Variants in KANK1 observed in about 807,000 individuals in gnomAD.
The protein encoded by KANK1 is KN motif and ankyrin repeat domain-containing protein 1.
Under a neutral mutation model 106.2 loss-of-function variants are expected in KANK1, and 109 were observed. The ratio of observed to expected loss-of-function variants is 1.03; its 90% CI spans 0.88 to 1.20. The LOEUF (loss-of-function observed/expected upper bound fraction) is 1.20. Ranked by LOEUF, KANK1 falls within the 50% of genes most tolerant of loss-of-function variation. The probability of loss-of-function intolerance (pLI) is 0.00; values close to 1 mark genes in which losing one functional copy is unlikely to be tolerated. For synonymous variants in KANK1, 873 were observed against 652.2 expected, an observed-to-expected ratio of 1.34 and a Z score of -5.16; for missense variants, 2,399 against 1,710.7, an observed-to-expected ratio of 1.40 and a Z score of -7.10.
intron 2 of KANK1, among the ~76,000 whole-genome samples, chr9:691,254 A>G (rs1406851010): frequency 1.3e-5 from 2 of 152,140 alleles, no homozygotes; most frequent in Non-Finnish European, 2.9e-5. Context: ...TGACTGCTTT[A>G]TGTAATCTAA....
intron 2 of KANK1, among the ~76,000 whole-genome samples, chr9:677,214 T>C (rs761923073): frequency 7.2e-5 from 11 of 152,232 alleles, no homozygotes; most frequent in Non-Finnish European, 1.0e-4. Context: ...CTGAAATCAA[T>C]TGAGTAAATT....
At chr9:732,076 C>T (rs1384759252) in intron 5 of KANK1, 1 of 214,910 alleles carries the variant, frequency 4.7e-6, no homozygotes, top group Admixed American at 5.2e-5. Context: ...AAAGCACCTA[C>T]CGATCTGTTT....
At position 745,591 on chromosome 9, in the gene KANK1, A is replaced by ATATT. The variant is rs1589393301; in HGVS notation, c.*360_*363dup. On this transcript the variant is annotated 3_prime_UTR_variant, in exon 12 of 12. Transcript: ENST00000382297. ...GAGACGTTTTAAGATTTTTCCACAAATATTTATATGTACTAAATGTGGAAC... is the reference window on the plus strand; with the variant it reads ...GAGACGTTTTAAGATTTTTCCACAAATATTTATTTATATGTACTAAATGTGGAAC... 6.1e-6 allele frequency: 1 copy of ATATT among 163,892 alleles called. No individual in the cohort carries two copies. Among genetic ancestry groups the ATATT allele is most frequent in the East Asian group, 1.7e-4 (1 of 5,974 alleles). The allele number at this position is 163,892 out of a possible 1,614,324, so 10.2% of individuals were successfully genotyped here.
intron 1 of KANK1, among the ~76,000 whole-genome samples, chr9:632,973 C>T (rs575543852): frequency 6.6e-6 from 1 of 151,870 alleles, no homozygotes. Context: ...GGATTACAGG[C>T]GTGAGCCACT....
intron 1 of KANK1, among the ~76,000 whole-genome samples, chr9:645,298 G>A (rs1392824671): frequency 1.3e-5 from 2 of 149,604 alleles, no homozygotes; most frequent in East Asian, 1.9e-4. Context: ...AAATTAGCAA[G>A]CCATGGTGGT....
intron 1 of KANK1, among the ~76,000 whole-genome samples, chr9:671,289 C>T (rs1588764985): frequency 6.6e-6 from 1 of 151,334 alleles, no homozygotes; most frequent in Admixed American, 6.6e-5. Flanking sequence ...AAACAGTTGA[C>T]ATTCATATAA....
intron 1 of KANK1, among the ~76,000 whole-genome samples, chr9:557,837 C>T (rs1440116766): frequency 6.6e-6 from 1 of 152,128 alleles, no homozygotes; most frequent in African/African-American, 2.4e-5. Context: ...TGAGGCCAGC[C>T]TGGGCTGGTT....
intron 3 of KANK1, among the ~76,000 whole-genome samples, chr9:481,693 TG>T (rs2058207925): frequency 6.6e-6 from 1 of 151,792 alleles, no homozygotes; most frequent in African/African-American, 2.4e-5. Flanking sequence ...AAGGCTTGAG[TG>T]GGGCTTAAAA....
chr9:629,894 C>T (rs1835255743), intron 1 of KANK1, among the ~76,000 whole-genome samples: 1 of 152,196 alleles, frequency 6.6e-6, no homozygotes, highest in Non-Finnish European at 1.5e-5. Flanking sequence ...CTGTACTACG[C>T]ACTTTGTTCA....
chr9:551,829 C>T (rs1204197145), intron 1 of KANK1, among the ~76,000 whole-genome samples: 1 of 151,582 alleles, frequency 6.6e-6, no homozygotes, highest in Non-Finnish European at 1.5e-5. Flanking sequence ...AGGAGGATTG[C>T]TTGAGCCCAG....
chr9:570,686 T>A (rs1309226068), intron 1 of KANK1, among the ~76,000 whole-genome samples: 3 of 152,226 alleles, frequency 2.0e-5, no homozygotes, highest in Non-Finnish European at 4.4e-5. Context: ...TTGTCATCTA[T>A]ACCAAGCCTT....
intron 1 of KANK1, among the ~76,000 whole-genome samples, chr9:603,681 A>G (rs1828343395): frequency 6.6e-6 from 1 of 151,870 alleles, no homozygotes; most frequent in East Asian, 1.9e-4. Flanking sequence ...TAGGCCAGGC[A>G]TGGTGGCTTT....
intron 3 of KANK1, among the ~76,000 whole-genome samples, chr9:489,858 C>T (rs2058349605): frequency 6.6e-6 from 1 of 152,144 alleles, no homozygotes; most frequent in African/African-American, 2.4e-5. Flanking sequence ...GTTAACAGTT[C>T]TAGGTAGAGC....
chr9:741,558 G>T (rs1474561542), intron 9 of KANK1, among the ~76,000 whole-genome samples: 1 of 150,662 alleles, frequency 6.6e-6, no homozygotes, highest in Non-Finnish European at 1.5e-5. Flanking sequence ...TGCGATCTTG[G>T]CTCACTGGAA....
chr9:541,917 G>A (rs568885881), intron 1 of KANK1, among the ~76,000 whole-genome samples: 39 of 151,396 alleles, frequency 2.6e-4, no homozygotes, highest in Non-Finnish European at 4.3e-4. Context: ...GTGAAACCCC[G>A]TCTCTACTAA....
intron 2 of KANK1, chr9:707,050 G>A: frequency 4.1e-6 from 4 of 985,468 alleles, no homozygotes; most frequent in African/African-American, 3.5e-5. Context: ...CGGGGGTGGT[G>A]TCACTGCAGC....
chr9:541,855 C>T lies in KANK1; in HGVS notation c.-84+37101C>T, dbSNP rs552227407. Among the ~76,000 whole-genome samples the T allele has an allele frequency of 6.6e-5, 10 of 152,052 alleles. No homozygotes were observed. The South Asian group carries it at 1.0e-3, about 16-fold the overall frequency. The stretch of plus-strand genomic sequence containing the variant: ...CTGTAATCCCAGCACTTTGGGAGGT[C>T]GAGGCGGGCGGATCACGAGGTCAGG... On this transcript the variant is annotated intron_variant, in intron 1 of 11. Transcript: ENST00000382297.
chr9:658,503 G>A (rs1020597765), intron 1 of KANK1, among the ~76,000 whole-genome samples: 6 of 151,928 alleles, frequency 3.9e-5, no homozygotes, highest in Non-Finnish European at 8.8e-5. Context: ...GATGAAGACC[G>A]CATTGTCAAT....
At chr9:592,368 C>A (rs1825144081) in intron 1 of KANK1, among the ~76,000 whole-genome samples, 1 of 151,810 alleles carries the variant, frequency 6.6e-6, no homozygotes, top group Admixed American at 6.6e-5. Flanking sequence ...GTTAATTACC[C>A]ACAAGTGTGT....
Sources: gnomAD v4.1 joint callset for allele counts (sites outside exome capture counted in the v4.1 genomes callset) on GRCh38, gnomAD v4.1.1 for gene constraint, MANE v1.5 for transcripts, NCBI Gene and HGNC (gene_info 2026-07-23, HGNC 2026-07-21) for gene names.